Variants in FN1 observed in about 807,000 individuals in gnomAD.
FN1 encodes the protein fibronectin.
FN1 carries 106 observed loss-of-function variants against 297.3 expected under a neutral mutation model. The observed-to-expected ratio is 0.36, with a 90% confidence interval of 0.30 to 0.42. FN1 has a LOEUF of 0.42. Among genes scored for constraint, FN1 ranks in the 10% least tolerant of loss-of-function variants. The pLI is 1.00. For missense variants in FN1, 2,690 were observed against 3,124.9 expected, an observed-to-expected ratio of 0.86 and a Z score of 3.32; for synonymous variants, 1,149 against 1,152.6, an observed-to-expected ratio of 1.00 and a Z score of 0.06.
intron 38 of FN1, among the ~76,000 whole-genome samples, chr2:215,373,884 G>A (rs12466925): frequency 0.28 from 42,927 of 151,656 alleles, 6,948 homozygotes; most frequent in East Asian, 0.79. Flanking sequence ...GGGTTTCACC[G>A]TGTTAGCCAG....
rs773153720 is a variant in FN1, at chr2:215,375,278, A to C, written c.6093T>G (p.Pro2031=). 2 of 1,614,182 alleles carry C rather than the reference A, an allele frequency of 1.2e-6. No individual in the cohort carries two copies. Among genetic ancestry groups the C allele is most frequent in the Non-Finnish European group, 1.7e-6 (2 of 1,180,020 alleles). The part of the protein sequence containing the change: ...ITGYIIKYEK[P]GSPPREVVPR... ...GGACCACTTCTCTGGGAGGAGACCC[A>C]GGCTTCTCATACTTGATGATGTAGC... is the stretch of plus-strand genomic sequence containing the variant. The change falls in exon 38 of 46, where the codon CCT becomes CCG. Residue 2031 remains proline, a synonymous_variant. Coordinates refer to ENST00000354785, the MANE Select transcript of FN1 (RefSeq NM_212482.4).
rs761479691 is a variant in FN1, at chr2:215,420,676, C to T, written c.1672G>A (p.Val558Ile). Reference protein sequence around the residue: ...QGRGRWKCDPVDQCQDSETGT... With the variant: ...QGRGRWKCDPIDQCQDSETGT... ...CTAGGGAAATAGGGCTACTCACCGA[C>T]GGGATCACACTTCCACCTGCCCCGA... Residue 558 changes from valine to isoleucine, a missense_variant, in exon 11 of 46, where the codon GTC becomes ATC. Around this residue, in one of 3 missense-constraint regions of FN1, gnomAD observed 876 missense variants for 1,058.1 expected, o/e 0.83. Transcript: ENST00000354785. 1.3e-5 allele frequency: 21 copies of T among 1,613,986 alleles called. No individual in the cohort carries two copies. The highest frequency in any genetic ancestry group is 1.6e-4 in the Middle Eastern group (1 of 6,082).
chr2:215,410,152 C>CA (rs748625388), intron 13 of FN1, 38 bp from the exon 14 acceptor site: 4 of 1,456,564 alleles, frequency 2.7e-6, no homozygotes, highest in Non-Finnish European at 3.7e-6. Flanking sequence ...CACACACACA[C>CA]GTGTTTACAA....
Position 215,386,830 on chromosome 2 carries a change from T to G in FN1, c.4471A>C (p.Arg1491=). The G allele has an allele frequency of 6.2e-7, 1 of 1,614,026 alleles. No homozygotes were observed. The change falls in exon 28 of 46, where the codon AGA becomes CGA. Residue 1491 remains arginine (R), a synonymous_variant. Transcript: ENST00000354785. ...IRHHPEHFSG[R]PREDRVPHSR... is the part of the protein sequence containing the mutation. ...TGGGGCACCCGATCTTCTCGAGGTCTCCCACTGAAGTGCTCGGGATGATGG... is the reference window on the plus strand; with the variant it reads ...TGGGGCACCCGATCTTCTCGAGGTCGCCCACTGAAGTGCTCGGGATGATGG...
chr2:215,375,890 C>T (rs991069986), intron 36 of FN1, among the ~76,000 whole-genome samples, 172 bp from the exon 37 acceptor site: 2 of 152,182 alleles, frequency 1.3e-5, no homozygotes, highest in Non-Finnish European at 2.9e-5. Flanking sequence ...TAACTGTTAA[C>T]AAGAAACATA....
At chr2:215,372,398 A>G (rs1308696175) in intron 39 of FN1, 23 bp from the exon 40 acceptor site, 1 of 1,577,970 alleles carries the variant, frequency 6.3e-7, no homozygotes, top group Non-Finnish European at 8.7e-7. Context: ...GGTTAGAGCC[A>G]AAAAAGCAAA....
chr2:215,362,131 A>G (rs754356447), intron 44 of FN1, 52 bp from the exon 45 acceptor site: 10 of 1,368,862 alleles, frequency 7.3e-6, no homozygotes, highest in Admixed American at 5.2e-5. Context: ...ACCTGAGGAC[A>G]TCGTAATTTA....
chr2:215,405,237 C>T (rs2061621783), intron 19 of FN1, among the ~76,000 whole-genome samples: 1 of 152,128 alleles, frequency 6.6e-6, no homozygotes, highest in Non-Finnish European at 1.5e-5. Context: ...GGAGTTTATT[C>T]TTGAGAATAA....
rs1324851663 is a variant in FN1 at position 215,381,076 on chromosome 2, A to G, written c.5169T>C (p.Ile1723=). 4 of 1,614,150 alleles carry G rather than the reference A, an allele frequency of 2.5e-6. No homozygotes were observed. The highest frequency in any genetic ancestry group is 3.4e-6 in the Non-Finnish European group (4 of 1,179,948). The stretch of plus-strand genomic sequence containing the variant: ...TGAATGCCAGTCCTTTAGGGCGATC[A>G]ATGTCTGTTAGGCAAATTAATGGTA... The part of the protein sequence containing the change: ...QPLVQTAVTN[I]DRPKGLAFTD... The change falls in exon 33 of 46, where the codon ATT becomes ATC. Residue 1723 remains isoleucine, a synonymous_variant. Coordinates refer to ENST00000354785, the MANE Select transcript of FN1 (RefSeq NM_212482.4).
intron 18 of FN1, 51 bp downstream of exon 18, chr2:215,407,076 A>G: frequency 7.1e-7 from 1 of 1,413,158 alleles, no homozygotes; most frequent in Non-Finnish European, 1.0e-6. Context: ...ACCCTCCTTC[A>G]GGAACAATCC....
At chr2:215,424,955 G>C (rs1326041830) in intron 7 of FN1, 139 bp downstream of exon 7, 1 of 804,572 alleles carries the variant, frequency 1.2e-6, no homozygotes, top group African/African-American at 1.7e-5. Context: ...TATTTCAAAT[G>C]CCAACCCTAA....
chr2:215,375,060 CT>C (rs1423375112), intron 38 of FN1, among the ~76,000 whole-genome samples, 153 bp downstream of exon 38: 1 of 152,200 alleles, frequency 6.6e-6, no homozygotes, highest in Non-Finnish European at 1.5e-5. Flanking sequence ...GTATTAGGCT[CT>C]ACCACTCCTA....
intron 42 of FN1, 41 bp downstream of exon 42, chr2:215,367,819 TGAG>T (rs745758383): frequency 1.1e-5 from 17 of 1,604,246 alleles, no homozygotes; most frequent in African/African-American, 1.3e-5. Context: ...GCATGGAACT[TGAG>T]GAGACAAACA....
rs951850416 is a variant in FN1 at position 215,388,409 on chromosome 2, T to C, written c.4253-108A>G. ...TGAAATATCCAAATGTCCAGTCCTA[T>C]AGCCTACTTACACCTAAGTGAACAC... On this transcript the variant is annotated intron_variant, in intron 26 of 45. Coordinates refer to ENST00000354785, the MANE Select transcript of FN1 (RefSeq NM_212482.4). 14 of 801,662 alleles carry C rather than the reference T, an allele frequency of 1.7e-5. No individual in the cohort carries two copies. The African/African-American group carries it at 2.2e-4, about 12-fold the overall frequency. 49.7% of individuals were successfully genotyped at this position (801,662 alleles called of 1,614,324 possible). A position where few individuals can be genotyped will look rare whatever the true frequency, so the allele number is the denominator to read the frequency against.
intron 39 of FN1, chr2:215,372,626 C>T (rs530717558): frequency 4.1e-4 from 219 of 538,356 alleles, no homozygotes; most frequent in Non-Finnish European, 5.3e-4. Flanking sequence ...AGCTTTAAAC[C>T]GCTGAGCCCC....
chr2:215,418,128 G>A (rs940580937), intron 12 of FN1, among the ~76,000 whole-genome samples: 1 of 152,090 alleles, frequency 6.6e-6, no homozygotes, highest in Non-Finnish European at 1.5e-5. Flanking sequence ...TACAATTTAG[G>A]AGGTTGGTCA....
At chr2:215,405,154 A>G (rs541426159) in intron 19 of FN1, among the ~76,000 whole-genome samples, 12 of 152,344 alleles carry the variant, frequency 7.9e-5, no homozygotes, top group Middle Eastern at 6.8e-3. Context: ...CAGTAATTAC[A>G]GTAATGATAA....
At chr2:215,410,451 CAG>C (rs1002717117) in intron 13 of FN1, among the ~76,000 whole-genome samples, 19 of 151,598 alleles carry the variant, frequency 1.3e-4, no homozygotes, top group Admixed American at 3.9e-4. Flanking sequence ...GACGGAAAAA[CAG>C]AGTGATATGT....
At chr2:215,381,331 G>A (rs1222775404) in intron 32 of FN1, 1 of 539,780 alleles carries the variant, frequency 1.9e-6, no homozygotes, top group Admixed American at 3.1e-5. Context: ...TCCCCACAAT[G>A]GGGATGTATT....
Sources: gnomAD v4.1 joint callset for allele counts (sites outside exome capture counted in the v4.1 genomes callset) on GRCh38, gnomAD v4.1.1 for gene constraint, gnomAD v4.1.1 regional missense constraint, MANE v1.5 for transcripts, NCBI Gene and HGNC (gene_info 2026-07-23, HGNC 2026-07-21) for gene names.